Variants in CNTNAP2 observed in about 807,000 individuals in gnomAD.
The protein encoded by CNTNAP2 is contactin associated protein 2.
A neutral mutation model predicts 155.2 loss-of-function variants in CNTNAP2; 98 were observed. The observed-to-expected ratio is 0.63, with a 90% CI of 0.54 to 0.75. The LOEUF (loss-of-function observed/expected upper bound fraction) is 0.75, where lower values mean the gene tolerates loss of function less well. CNTNAP2 is among the 30% of genes least tolerant of loss of function. The pLI is 0.00. For synonymous variants in CNTNAP2, 651 were observed against 631.2 expected, an observed-to-expected ratio of 1.03 and a Z score of -0.47; for missense variants, 1,727 against 1,688.1, an observed-to-expected ratio of 1.02 and a Z score of -0.40.
chr7:146,618,781 T>C (rs907257263), intron 1 of CNTNAP2, among the ~76,000 whole-genome samples: 1 of 152,046 alleles, frequency 6.6e-6, no homozygotes, highest in East Asian at 1.9e-4. Flanking sequence ...TATAAAAAGA[T>C]AAATATGGCT....
Position 147,072,206 on chromosome 7 carries a change from C to T in CNTNAP2, c.550+28152C>T, listed in dbSNP as rs1326781421. ...AAGAGCATAAACAGAACTCTTGGGG[C>T]AGAAAGACAAGGCTGGTGTGGCTGC... is the stretch of plus-strand genomic sequence containing the variant. On this transcript the variant is annotated intron_variant, in intron 4 of 23. Transcript: ENST00000361727. Among the ~76,000 whole-genome samples, 5 of 151,874 alleles carry T rather than the reference C, an allele frequency of 3.3e-5. No homozygotes were observed. The East Asian group carries it at 9.7e-4, about 29-fold the overall frequency.
chr7:146,475,469 A>G (rs1217413817), intron 1 of CNTNAP2, among the ~76,000 whole-genome samples: 1 of 152,220 alleles, frequency 6.6e-6, no homozygotes, highest in Non-Finnish European at 1.5e-5. Flanking sequence ...AAAAAAATAT[A>G]GAGTGCAGAG....
intron 9 of CNTNAP2, among the ~76,000 whole-genome samples, chr7:147,387,723 T>C (rs1385516488): frequency 1.3e-5 from 2 of 152,224 alleles, no homozygotes; most frequent in East Asian, 1.9e-4. Flanking sequence ...ATTACATTGT[T>C]TGTTATTTTA....
rs1190544928 is a variant in CNTNAP2, at chr7:146,157,266, A to G, written c.97+40293A>G. Among the ~76,000 whole-genome samples, 9 of 152,278 alleles carry G rather than the reference A, an allele frequency of 5.9e-5. No homozygotes were observed. The East Asian group carries it at 1.7e-3, about 29-fold the overall frequency. On this transcript the variant is annotated intron_variant, in intron 1 of 23. Coordinates refer to ENST00000361727, the MANE Select transcript of CNTNAP2 (RefSeq NM_014141.6). ...TTCTGTACTCTTCTTCAATAATAACATTAAAGCAGAAGGAGGTTCCAAGAT... is the reference window on the plus strand; with the variant it reads ...TTCTGTACTCTTCTTCAATAATAACGTTAAAGCAGAAGGAGGTTCCAAGAT...
chr7:147,440,999 T>C (rs1010325362), intron 10 of CNTNAP2, among the ~76,000 whole-genome samples: 1 of 152,136 alleles, frequency 6.6e-6, no homozygotes, highest in Non-Finnish European at 1.5e-5. Context: ...TGGATATTAA[T>C]ATCTTTCTTT....
chr7:147,401,398 G>GT (rs997449652), intron 10 of CNTNAP2, among the ~76,000 whole-genome samples: 4 of 151,360 alleles, frequency 2.6e-5, no homozygotes, highest in Admixed American at 1.3e-4. Context: ...CACAGACCCA[G>GT]TTTTTTTTTA....
At chr7:146,976,359 G>A (rs550485308) in intron 3 of CNTNAP2, among the ~76,000 whole-genome samples, 1 of 152,174 alleles carries the variant, frequency 6.6e-6, no homozygotes, top group South Asian at 2.1e-4. Flanking sequence ...CAGGGTGAGG[G>A]CTCCATCCCA....
Position 146,822,403 on chromosome 7 carries a change from A to C in CNTNAP2, c.209-17308A>C, listed in dbSNP as rs569522622. 9.3e-4 allele frequency among the ~76,000 whole-genome samples: 142 copies of C among 151,930 alleles called. 1 individual carries two copies. The highest frequency in any genetic ancestry group is 3.3e-3 in the African/African-American group (138 of 41,460). On this transcript the variant is annotated intron_variant, in intron 2 of 23. Coordinates refer to ENST00000361727, the MANE Select transcript of CNTNAP2 (RefSeq NM_014141.6). Reference sequence around the variant, plus strand: ...GAGTTAATGGGTGCAGCACACCAACATGGCACATGTATACATATGTAACAA... The same window carrying C: ...GAGTTAATGGGTGCAGCACACCAACCTGGCACATGTATACATATGTAACAA...
chr7:146,655,102 A>G (rs886507549), intron 1 of CNTNAP2, among the ~76,000 whole-genome samples: 4 of 152,248 alleles, frequency 2.6e-5, no homozygotes, highest in East Asian at 1.9e-4. Context: ...ATAAGTCACA[A>G]TACGTGAAAT....
chr7:146,168,610 G>T (rs1423348778), intron 1 of CNTNAP2, among the ~76,000 whole-genome samples: 1 of 152,030 alleles, frequency 6.6e-6, no homozygotes, highest in African/African-American at 2.4e-5. Context: ...CTTCTCTCCT[G>T]CTCACATTTA....
chr7:147,143,301 C>A (rs987390225), intron 8 of CNTNAP2, among the ~76,000 whole-genome samples: 1 of 152,116 alleles, frequency 6.6e-6, no homozygotes, highest in Non-Finnish European at 1.5e-5. Context: ...TCATGAACCC[C>A]CAAGTTTTAA....
rs189672339 is a variant in CNTNAP2 at position 146,878,832 on chromosome 7, T to C, written c.402+38928T>C. Among the ~76,000 whole-genome samples, 28 of 152,268 alleles carry C rather than the reference T, an allele frequency of 1.8e-4. No individual in the cohort carries two copies. In the East Asian group the frequency reaches 5.4e-3, roughly 29 times the overall value. On this transcript the variant is annotated intron_variant, in intron 3 of 23. Transcript: ENST00000361727. ...TTCTTCCACCCTCTCCACTCCCCATTGAAATGTCCAACTCAAAGCAGCTCT... is the reference window on the plus strand; with the variant it reads ...TTCTTCCACCCTCTCCACTCCCCATCGAAATGTCCAACTCAAAGCAGCTCT...
chr7:146,179,096 C>T (rs1017532640), intron 1 of CNTNAP2, among the ~76,000 whole-genome samples: 2 of 152,112 alleles, frequency 1.3e-5, no homozygotes, highest in African/African-American at 4.8e-5. Context: ...TTAGTCTGCT[C>T]CTCTGTGATC....
intron 13 of CNTNAP2, among the ~76,000 whole-genome samples, chr7:147,781,799 G>A (rs1563086963): frequency 2.0e-5 from 3 of 152,100 alleles, no homozygotes; most frequent in South Asian, 2.1e-4. Flanking sequence ...TGAGGCGGGC[G>A]GATCACGAGG....
chr7:148,328,634 T>G (rs1797933168), intron 21 of CNTNAP2, among the ~76,000 whole-genome samples: 1 of 152,034 alleles, frequency 6.6e-6, no homozygotes, highest in Admixed American at 6.5e-5. Flanking sequence ...GACAGTTTAT[T>G]CAAGTGCTCC....
chr7:147,196,544 G>A (rs1240886931), intron 8 of CNTNAP2, among the ~76,000 whole-genome samples: 1 of 152,184 alleles, frequency 6.6e-6, no homozygotes, highest in Admixed American at 6.5e-5. Flanking sequence ...ACTGCATTAA[G>A]TTCAATGTAA....
intron 10 of CNTNAP2, among the ~76,000 whole-genome samples, chr7:147,469,357 A>C (rs1313293566): frequency 5.3e-5 from 8 of 151,996 alleles, no homozygotes; most frequent in Non-Finnish European, 1.2e-4. Context: ...AAAACCCCTA[A>C]TTGAAGTAGG....
At chr7:147,483,658 A>G (rs1055284447) in intron 10 of CNTNAP2, among the ~76,000 whole-genome samples, 1 of 152,230 alleles carries the variant, frequency 6.6e-6, no homozygotes, top group Non-Finnish European at 1.5e-5. Context: ...GCAATAATTT[A>G]GAAAGTAAAT....
chr7:146,374,985 A>T (rs1012535604), intron 1 of CNTNAP2, among the ~76,000 whole-genome samples: 4 of 152,208 alleles, frequency 2.6e-5, no homozygotes, highest in Non-Finnish European at 5.9e-5. Flanking sequence ...AATATATTAA[A>T]GTGTGATTCA....
Sources: gnomAD v4.1 joint callset for allele counts (sites outside exome capture counted in the v4.1 genomes callset) on GRCh38, gnomAD v4.1.1 for gene constraint, MANE v1.5 for transcripts, NCBI Gene and HGNC (gene_info 2026-07-23, HGNC 2026-07-21) for gene names.